Variants in KLHL29 observed in about 807,000 individuals in gnomAD.
KLHL29 encodes kelch-like protein 29.
Under a neutral mutation model 80.4 loss-of-function variants are expected in KLHL29, and 21 were observed. The ratio of observed to expected loss-of-function variants is 0.26; its 90% CI spans 0.19 to 0.38. The LOEUF (loss-of-function observed/expected upper bound fraction) is 0.38. Among genes scored for constraint, KLHL29 ranks in the 10% least tolerant of loss-of-function variants. KLHL29 has a pLI of 1.00. For synonymous variants in KLHL29, 511 were observed against 526.8 expected, an observed-to-expected ratio of 0.97 and a Z score of 0.41; for missense variants, 867 against 1,223.9, an observed-to-expected ratio of 0.71 and a Z score of 4.35.
At chr2:23,414,362 G>T (rs907738679) in intron 1 of KLHL29, among the ~76,000 whole-genome samples, 7 of 152,134 alleles carry the variant, frequency 4.6e-5, no homozygotes, top group Non-Finnish European at 8.8e-5. Context: ...GTGCGGCGGG[G>T]TGGGAGGGAT....
At chr2:23,485,896 G>A (rs1368166407) in intron 2 of KLHL29, among the ~76,000 whole-genome samples, 5 of 152,238 alleles carry the variant, frequency 3.3e-5, no homozygotes, top group Admixed American at 6.5e-5. Context: ...AGAATAGTGC[G>A]TAAGACATGT....
chr2:23,502,074 G>A (rs1355000465), intron 2 of KLHL29, among the ~76,000 whole-genome samples: 4 of 152,188 alleles, frequency 2.6e-5, no homozygotes, highest in Non-Finnish European at 4.4e-5. Context: ...CAGGCCGGGT[G>A]CACATTCTTC....
chr2:23,547,638 T>C lies in KLHL29; in HGVS notation c.-45-14514T>C, dbSNP rs1172034260. Among the ~76,000 whole-genome samples, 5 of 152,054 alleles carry C rather than the reference T, an allele frequency of 3.3e-5. No individual in the cohort carries two copies. In the East Asian group the frequency reaches 9.7e-4, roughly 30 times the overall value. ...ACAGCAGCAGTAGTACTTCTACCGA[T>C]AGACATCGTGCCCAAAAGTGACCAC... On this transcript the variant is annotated intron_variant, in intron 2 of 13. Transcript: ENST00000486442.
intron 2 of KLHL29, among the ~76,000 whole-genome samples, chr2:23,541,765 C>CCAAAAAAAAA (rs1553336830): frequency 7.1e-6 from 1 of 139,890 alleles, no homozygotes; most frequent in African/African-American, 2.9e-5. Flanking sequence ...AAGCCCAACC[C>CCAAAAAAAAA]AAAAAACAAA....
At chr2:23,536,038 A>T (rs747363885) in intron 2 of KLHL29, among the ~76,000 whole-genome samples, 2 of 152,196 alleles carry the variant, frequency 1.3e-5, no homozygotes, top group Non-Finnish European at 2.9e-5. Context: ...ACTGCTTAGC[A>T]GAGGATGTGG....
chr2:23,683,314 A>G (rs746256096), intron 5 of KLHL29, among the ~76,000 whole-genome samples: 17 of 152,352 alleles, frequency 1.1e-4, no homozygotes, highest in Middle Eastern at 3.4e-3. Context: ...AGTCTAGGTC[A>G]TTCTGGCCCA....
intron 2 of KLHL29, among the ~76,000 whole-genome samples, chr2:23,543,746 T>C (rs1666910045): frequency 6.6e-6 from 1 of 152,238 alleles, no homozygotes; most frequent in Non-Finnish European, 1.5e-5. Context: ...AGTTGTGTTT[T>C]AATAAATGGC....
At chr2:23,548,260 C>T (rs1572393320) in intron 2 of KLHL29, among the ~76,000 whole-genome samples, 2 of 152,062 alleles carry the variant, frequency 1.3e-5, no homozygotes, top group Non-Finnish European at 2.9e-5. Context: ...TGAACACACA[C>T]AGGCACCCAG....
chr2:23,704,494 C>T (rs1054631358), intron 13 of KLHL29, among the ~76,000 whole-genome samples: 5 of 152,234 alleles, frequency 3.3e-5, no homozygotes, highest in Non-Finnish European at 7.3e-5. Flanking sequence ...AGGCCAGGTG[C>T]AGTGGCTCAC....
At chr2:23,606,032 G>A (rs1668713374) in intron 3 of KLHL29, among the ~76,000 whole-genome samples, 1 of 152,152 alleles carries the variant, frequency 6.6e-6, no homozygotes, top group Admixed American at 6.5e-5. Context: ...GCCTCCCAAA[G>A]TGCTGGGATT....
chr2:23,671,279 C>T (rs184949487), intron 5 of KLHL29, among the ~76,000 whole-genome samples: 4 of 152,114 alleles, frequency 2.6e-5, no homozygotes, highest in East Asian at 3.9e-4. Context: ...GGAGGAGACT[C>T]GTGTTCTCCC....
Position 23,703,792 on chromosome 2 carries a change from C to T in KLHL29, c.2373C>T (p.Thr791=). Reference sequence around the variant, plus strand: ...TGGGCGGGGCTTATGCCAGAGCTACCACCATCTACGACCCTGAGAAAGGAA... The same window carrying T: ...TGGGCGGGGCTTATGCCAGAGCTACTACCATCTACGACCCTGAGAAAGGAA... ...FILGGAYARA[T]TIYDPEKGNI... is the part of the protein sequence containing the mutation. Residue 791 remains threonine (T), a synonymous_variant, in exon 13 of 14, where the codon ACC becomes ACT. Transcript: ENST00000486442. 3 of 1,537,456 alleles carry T rather than the reference C, an allele frequency of 2.0e-6. No homozygotes were observed. Among genetic ancestry groups the T allele is most frequent in the Non-Finnish European group, 2.6e-6 (3 of 1,146,950 alleles).
intron 1 of KLHL29, among the ~76,000 whole-genome samples, chr2:23,397,063 C>T (rs1413827598): frequency 2.0e-5 from 3 of 151,994 alleles, no homozygotes; most frequent in South Asian, 2.1e-4. Context: ...TCTGGCAGTG[C>T]GGGGGAAGGT....
chr2:23,411,549 G>T (rs1278001264), intron 1 of KLHL29, among the ~76,000 whole-genome samples: 1 of 152,062 alleles, frequency 6.6e-6, no homozygotes, highest in Non-Finnish European at 1.5e-5. Flanking sequence ...GAAGAGAGTT[G>T]TGAGGTCGGC....
intron 8 of KLHL29, among the ~76,000 whole-genome samples, chr2:23,693,769 A>G (rs1671769925): frequency 6.6e-6 from 1 of 152,226 alleles, no homozygotes; most frequent in African/African-American, 2.4e-5. Context: ...CTCTGCAGGG[A>G]GAAGTGGGTC....
At chr2:23,434,036 C>T (rs553559324) in intron 1 of KLHL29, among the ~76,000 whole-genome samples, 1 of 152,248 alleles carries the variant, frequency 6.6e-6, no homozygotes, top group African/African-American at 2.4e-5. Context: ...AAAAGCTAGG[C>T]TCCGGCCGGG....
intron 1 of KLHL29, among the ~76,000 whole-genome samples, chr2:23,447,783 T>C (rs943089771): frequency 6.6e-6 from 1 of 152,232 alleles, no homozygotes; most frequent in Non-Finnish European, 1.5e-5. Flanking sequence ...CCATTTATAG[T>C]CCTTATTTAT....
intron 3 of KLHL29, among the ~76,000 whole-genome samples, chr2:23,633,756 CGTGTGTGTG>C (rs1238885880): frequency 1.8e-4 from 27 of 147,240 alleles, no homozygotes; most frequent in African/African-American, 3.8e-4. Flanking sequence ...TCACAGCACT[CGTGTGTGTG>C]TGTGTGTGTG....
chr2:23,404,283 AC>A (rs1666672304), intron 1 of KLHL29, among the ~76,000 whole-genome samples: 1 of 150,802 alleles, frequency 6.6e-6, no homozygotes, highest in South Asian at 2.1e-4. Context: ...AAAAAAAATC[AC>A]TCAGTCATTA....
Sources: gnomAD v4.1 joint callset for allele counts (sites outside exome capture counted in the v4.1 genomes callset) on GRCh38, gnomAD v4.1.1 for gene constraint, MANE v1.5 for transcripts, NCBI Gene and HGNC (gene_info 2026-07-23, HGNC 2026-07-21) for gene names.